OPHN1: variants seen among roughly 807,000 people sequenced by gnomAD.
The protein encoded by OPHN1 is oligophrenin-1.
A neutral mutation model predicts 60.7 loss-of-function variants in OPHN1; 11 were observed. The ratio of observed to expected loss-of-function variants is 0.18; its 90% confidence interval spans 0.11 to 0.30. The LOEUF (loss-of-function observed/expected upper bound fraction) is 0.30. Ranked by LOEUF, OPHN1 falls within the 10% of genes least tolerant of loss-of-function variation. The probability of loss-of-function intolerance (pLI) is 1.00; values close to 1 mark genes in which losing one functional copy is unlikely to be tolerated. For synonymous variants in OPHN1, 226 were observed against 222.6 expected (o/e 1.02, Z -0.14); for missense variants, 449 against 611.0 (o/e 0.73, Z 2.80).
intron 5 of OPHN1, among the ~76,000 whole-genome samples, chrX:68,258,310 C>A (rs7885183): frequency 0.32 from 33,784 of 104,717 alleles, 7,961 homozygotes; most frequent in African/African-American, 0.81. Context: ...CAGGTTAGTT[C>A]CATATGTATA....
chrX:68,138,891 T>A (rs1457597549), intron 15 of OPHN1, among the ~76,000 whole-genome samples: 1 of 111,855 alleles, frequency 8.9e-6, no homozygotes, highest in Non-Finnish European at 1.9e-5. Flanking sequence ...AACCATGTTG[T>A]AAACAAAACA....
chrX:68,113,215 G>A lies in OPHN1; in HGVS notation c.1386C>T (p.Thr462=). ...AGACCAGCTCTTTGTGAAGTCTATA[G>A]GTCATGACAGGTTCAGAAAGATTCC... The part of the protein sequence containing the change: ...YLRNLSEPVM[T]YRLHKELVSA... Residue 462 remains threonine (T), a synonymous_variant, in exon 17 of 25, where the codon ACC becomes ACT. Coordinates refer to ENST00000355520, the MANE Select transcript of OPHN1 (RefSeq NM_002547.3). The A allele has an allele frequency of 8.3e-7, 1 of 1,207,482 alleles. No individual in the cohort carries two copies. Among genetic ancestry groups the A allele is most frequent in the Non-Finnish European group, 1.1e-6 (1 of 891,956 alleles).
At chrX:68,272,094 C>G (rs1449495779) in intron 5 of OPHN1, among the ~76,000 whole-genome samples, 2 of 110,069 alleles carry the variant, frequency 1.8e-5, no homozygotes, top group Non-Finnish European at 3.8e-5. Context: ...GAAAATCTGT[C>G]CATTATCACA....
intron 19 of OPHN1, among the ~76,000 whole-genome samples, chrX:68,092,487 G>A (rs1271691808): frequency 8.9e-6 from 1 of 111,947 alleles, no homozygotes; most frequent in Non-Finnish European, 1.9e-5. Context: ...TCATAAATCA[G>A]AAAAGATCCT....
intron 15 of OPHN1, among the ~76,000 whole-genome samples, chrX:68,185,082 G>A (rs773776459): frequency 1.8e-5 from 2 of 112,625 alleles, no homozygotes; most frequent in African/African-American, 6.4e-5. Context: ...AGAAATCTTT[G>A]AGAAATATGG....
chrX:68,311,492 A>G (rs2078172896), intron 2 of OPHN1, among the ~76,000 whole-genome samples: 1 of 111,425 alleles, frequency 9.0e-6, no homozygotes, highest in Non-Finnish European at 1.9e-5. Flanking sequence ...GAGTGCAGTG[A>G]TGCAATCTGG....
At chrX:68,083,163 C>T (rs1428860529) in intron 19 of OPHN1, among the ~76,000 whole-genome samples, 2 of 97,430 alleles carry the variant, frequency 2.1e-5, no homozygotes, top group African/African-American at 7.6e-5. Flanking sequence ...AGCTCCGCTT[C>T]CCGGGTTCAC....
chrX:68,082,433 T>G (rs1246864983), intron 19 of OPHN1, among the ~76,000 whole-genome samples: 1 of 112,340 alleles, frequency 8.9e-6, no homozygotes, highest in Non-Finnish European at 1.9e-5. Context: ...ACTGGAAAGT[T>G]ACTTTATTCC....
At chrX:68,184,967 A>G (rs921108145) in intron 15 of OPHN1, among the ~76,000 whole-genome samples, 2 of 112,515 alleles carry the variant, frequency 1.8e-5, no homozygotes, top group Non-Finnish European at 3.8e-5. Flanking sequence ...GGCAACAACA[A>G]GAAGAAATAA....
intron 2 of OPHN1, among the ~76,000 whole-genome samples, chrX:68,378,187 A>G (rs1430454332): frequency 1.8e-5 from 2 of 112,281 alleles, no homozygotes; most frequent in Admixed American, 9.5e-5. Flanking sequence ...GCCAGTGATG[A>G]TGAGCATTTT....
chrX:68,353,229 T>G, intron 2 of OPHN1, among the ~76,000 whole-genome samples: 1 of 108,750 alleles, frequency 9.2e-6, no homozygotes, highest in South Asian at 4.1e-4. Context: ...TTATAAATAC[T>G]TTTATTGAGA....
At chrX:68,095,548 A>G (rs1177197510) in intron 19 of OPHN1, among the ~76,000 whole-genome samples, 1 of 111,800 alleles carries the variant, frequency 8.9e-6, no homozygotes, top group Admixed American at 9.5e-5. Context: ...CTCAAATGCG[A>G]CCTGTTCCAA....
intron 2 of OPHN1, among the ~76,000 whole-genome samples, chrX:68,337,099 T>C (rs1602337045): frequency 2.7e-5 from 3 of 110,515 alleles, no homozygotes; most frequent in Admixed American, 1.9e-4. Flanking sequence ...AATGGTAACA[T>C]GAACCCACAA....
chrX:68,250,000 T>C (rs1791080271), intron 5 of OPHN1, among the ~76,000 whole-genome samples: 1 of 112,234 alleles, frequency 8.9e-6, no homozygotes, highest in African/African-American at 3.2e-5. Context: ...TTCAGATTCA[T>C]GACTATTTTT....
intron 2 of OPHN1, among the ~76,000 whole-genome samples, chrX:68,371,224 T>A (rs1245324344): frequency 9.2e-6 from 1 of 109,253 alleles, no homozygotes; most frequent in Admixed American, 9.9e-5. Context: ...TCTTTCTTTT[T>A]TTTTTTTTTC....
intron 5 of OPHN1, among the ~76,000 whole-genome samples, chrX:68,243,546 C>T (rs2077791518): frequency 1.8e-5 from 2 of 110,627 alleles, no homozygotes; most frequent in Admixed American, 9.7e-5. Context: ...CACCATCACG[C>T]CCAGCTAATT....
intron 2 of OPHN1, among the ~76,000 whole-genome samples, chrX:68,371,460 C>T (rs1169334992): frequency 1.8e-5 from 2 of 110,925 alleles, no homozygotes; most frequent in African/African-American, 6.5e-5. Context: ...CTCAAGCAAT[C>T]CACCCGCCTC....
At chrX:68,266,940 CA>C (rs1461889495) in intron 5 of OPHN1, among the ~76,000 whole-genome samples, 2 of 111,766 alleles carry the variant, frequency 1.8e-5, no homozygotes, top group East Asian at 5.6e-4. Context: ...AAGGCCATTA[CA>C]TAATGGTAAA....
intron 2 of OPHN1, among the ~76,000 whole-genome samples, chrX:68,342,325 C>T (rs2078357170): frequency 9.0e-6 from 1 of 111,040 alleles, no homozygotes; most frequent in Non-Finnish European, 1.9e-5. Context: ...TATGGTTTCT[C>T]TATGTTCTTA....
Sources: allele counts gnomAD v4.1 joint callset (sites outside exome capture counted in the v4.1 genomes callset), GRCh38; gene constraint gnomAD v4.1.1; transcripts MANE v1.5; gene names NCBI Gene and HGNC (gene_info 2026-07-23, HGNC 2026-07-21).